The following GCM1 variants were observed in gnomAD, a reference collection of about 807,000 sequenced individuals.
The protein encoded by GCM1 is chorion-specific transcription factor GCMa.
In GCM1, 2 loss-of-function variants were observed where a neutral mutation model predicts 25.7. The ratio of observed to expected loss-of-function variants is 0.08; its 90% CI spans 0.03 to 0.24. The LOEUF (loss-of-function observed/expected upper bound fraction) is 0.24. GCM1 is among the 10% of genes least tolerant of loss of function. The pLI is 1.00. For missense variants in GCM1, 395 were observed against 538.7 expected, an observed-to-expected ratio of 0.73 and a Z score of 2.64; for synonymous variants, 183 against 195.7, an observed-to-expected ratio of 0.94 and a Z score of 0.54.
rs766800938 is a variant in GCM1 at position 53,130,788 on chromosome 6, A to G, written c.570+15T>C. ...AAGCTACTGCATGTATTGAACATAC[A>G]TAATGAAGGATTACCCTGGTCTCTG... On this transcript the variant is annotated intron_variant, in intron 5 of 5. Coordinates refer to ENST00000259803, the MANE Select transcript of GCM1 (RefSeq NM_003643.4). 1.2e-6 allele frequency: 2 copies of G among 1,611,628 alleles called. No individual in the cohort carries two copies. Among genetic ancestry groups the G allele is most frequent in the Admixed American group, 3.3e-5 (2 of 59,734 alleles).
Position 53,132,024 on chromosome 6 carries a change from G to A in GCM1, c.424C>T (p.Arg142Cys), listed in dbSNP as rs753123610. Residue 142 changes from arginine to cysteine, a missense_variant, in exon 4 of 6, where the codon CGC becomes TGC. Transcript: ENST00000259803. ...PVTNFWRHDG[R>C]FIFFQSKGEH... ...AATCCAACCTGGAAAAATATAAAGC[G>A]TCCGTCGTGCCTCCAGAAGTTGGTG... 29 of 1,604,882 alleles carry A rather than the reference G, an allele frequency of 1.8e-5. No homozygotes were observed. The highest frequency in any genetic ancestry group is 5.5e-5 in the South Asian group (5 of 90,862).
At chr6:53,146,427 C>T (rs1161767649) in intron 1 of GCM1, among the ~76,000 whole-genome samples, 1 of 151,766 alleles carries the variant, frequency 6.6e-6, no homozygotes, top group African/African-American at 2.4e-5. Flanking sequence ...ACTCTGCTGG[C>T]CAGCCTGGTC....
At chr6:53,147,465 A>G (rs553496834) in intron 1 of GCM1, among the ~76,000 whole-genome samples, 3 of 113,066 alleles carry the variant, frequency 2.7e-5, no homozygotes, top group African/African-American at 9.3e-5. Flanking sequence ...TCTTACTCTT[A>G]TCACCCAGGC....
Position 53,141,930 on chromosome 6 carries a change from G to A in GCM1, c.75+3628C>T, listed in dbSNP as rs375976777. Among the ~76,000 whole-genome samples the A allele has an allele frequency of 4.8e-4, 63 of 132,114 alleles. 1 individual carries two copies. The highest frequency in any genetic ancestry group is 1.6e-3 in the African/African-American group (57 of 35,414). The allele number at this position is 132,114 out of a possible 152,430, so 86.7% of individuals were successfully genotyped here. A position where few individuals can be genotyped will look rare whatever the true frequency, so the allele number is the denominator to read the frequency against. On this transcript the variant is annotated intron_variant, in intron 2 of 5. Coordinates refer to ENST00000259803, the MANE Select transcript of GCM1 (RefSeq NM_003643.4). ...GGGTTGAGAGAATCACCTAAGCCCG[G>A]GAATTCAAGGCTGTGGTGAGCTATG...
chr6:53,129,272 C>CTT (rs11342377), intron 5 of GCM1, among the ~76,000 whole-genome samples: 2 of 119,440 alleles, frequency 1.7e-5, no homozygotes. Context: ...TTTATTTATT[C>CTT]TTTTTTTTTT....
intron 2 of GCM1, 120 bp from the exon 3 acceptor site, chr6:53,134,444 G>A: frequency 6.9e-6 from 6 of 866,840 alleles, no homozygotes; most frequent in Non-Finnish European, 9.1e-6. Flanking sequence ...AGAGACCTTT[G>A]GCAAAAGCCT....
chr6:53,138,324 G>A (rs1763829089), intron 2 of GCM1, among the ~76,000 whole-genome samples: 1 of 150,252 alleles, frequency 6.7e-6, no homozygotes, highest in South Asian at 2.1e-4. Context: ...GACAACGTAT[G>A]GACTGAGAAC....
intron 2 of GCM1, among the ~76,000 whole-genome samples, chr6:53,142,277 C>T (rs1264743041): frequency 6.6e-6 from 1 of 152,086 alleles, no homozygotes; most frequent in African/African-American, 2.4e-5. Context: ...CTTTAAACCA[C>T]ATTTGTTAAA....
rs1763652108 is a variant in GCM1 at position 53,127,162 on chromosome 6, C to A, written c.*1044G>T. On this transcript the variant is annotated 3_prime_UTR_variant, in exon 6 of 6. Coordinates refer to ENST00000259803, the MANE Select transcript of GCM1 (RefSeq NM_003643.4). ...AAACCCCACATTGATATAGGTGCCA[C>A]AAATAATAAATGGGATAAAACAGAA... 6.6e-6 allele frequency: 1 copy of A among 152,096 alleles called. No individual in the cohort carries two copies. The highest frequency in any genetic ancestry group is 2.4e-5 in the African/African-American group (1 of 41,414). The allele number at this position is 152,096 out of a possible 1,614,324, so 9.4% of individuals were successfully genotyped here.
intron 5 of GCM1, among the ~76,000 whole-genome samples, chr6:53,129,725 A>T (rs1763698599): frequency 6.6e-6 from 1 of 152,146 alleles, no homozygotes; most frequent in South Asian, 2.1e-4. Flanking sequence ...TGCTGGTTGG[A>T]GTGTGAGAGA....
intron 2 of GCM1, among the ~76,000 whole-genome samples, chr6:53,134,808 C>T (rs150645638): frequency 1.3e-5 from 2 of 152,268 alleles, no homozygotes; most frequent in African/African-American, 2.4e-5. Flanking sequence ...TCTCTAAAAA[C>T]TCAAAATAAA....
At chr6:53,135,960 C>T (rs1763792374) in intron 2 of GCM1, among the ~76,000 whole-genome samples, 2 of 152,236 alleles carry the variant, frequency 1.3e-5, no homozygotes, top group Admixed American at 6.5e-5. Context: ...TTCTCTAAAA[C>T]TGAAACATTG....
chr6:53,144,890 A>C (rs1233076703), intron 2 of GCM1, among the ~76,000 whole-genome samples: 2 of 143,754 alleles, frequency 1.4e-5, no homozygotes, highest in East Asian at 4.6e-4. Context: ...ACTCCAACCT[A>C]GTTGACAGAG....
intron 2 of GCM1, 107 bp from the exon 3 acceptor site, chr6:53,134,431 G>A: frequency 1.9e-6 from 2 of 1,073,340 alleles, no homozygotes; most frequent in Admixed American, 2.1e-5. Context: ...CAGGAGCTGG[G>A]CAAGAGACCT....
chr6:53,134,367 AAC>A, intron 2 of GCM1, 43 bp from the exon 3 acceptor site: 1 of 1,591,508 alleles, frequency 6.3e-7, no homozygotes, highest in Non-Finnish European at 8.6e-7. Context: ...TAAGCTAGAA[AAC>A]ACAGCTGTCA....
intron 1 of GCM1, among the ~76,000 whole-genome samples, chr6:53,147,430 T>A (rs1353381554): frequency 7.0e-6 from 1 of 142,618 alleles, no homozygotes; most frequent in African/African-American, 2.5e-5. Flanking sequence ...TTATTGTTTT[T>A]TTTTTTTTTT....
chr6:53,139,880 A>T (rs1268720199), intron 2 of GCM1, among the ~76,000 whole-genome samples: 1 of 152,104 alleles, frequency 6.6e-6, no homozygotes, highest in South Asian at 2.1e-4. Flanking sequence ...ATAAATAAAT[A>T]AAATAAGACT....
chr6:53,129,974 G>A (rs1581848591), intron 5 of GCM1, among the ~76,000 whole-genome samples: 1 of 152,136 alleles, frequency 6.6e-6, no homozygotes, highest in African/African-American at 2.4e-5. Flanking sequence ...TACTTTTAGG[G>A]GGTAGAGAAA....
At position 53,142,000 on chromosome 6, in the gene GCM1, G is replaced by GGAAAAAAAAAAAAAAAAAAAAA. The variant is rs1259951702; in HGVS notation, c.75+3557_75+3558insTTTTTTTTTTTTTTTTTTTTTC. On this transcript the variant is annotated intron_variant, in intron 2 of 5. Coordinates refer to ENST00000259803, the MANE Select transcript of GCM1 (RefSeq NM_003643.4). ...GCTTGGGTAATGAGAGTGAGACCCTGAAAAAAAAAAAAAAAAAAAAAAAAA... is the reference window on the plus strand; with the variant it reads ...GCTTGGGTAATGAGAGTGAGACCCTGGAAAAAAAAAAAAAAAAAAAAAAAAAAAAAAAAAAAAAAAAAAAAAA... 8.1e-4 allele frequency among the ~76,000 whole-genome samples: 10 copies of GGAAAAAAAAAAAAAAAAAAAAA among 12,300 alleles called. 2 individuals are homozygous for GGAAAAAAAAAAAAAAAAAAAAA. Among genetic ancestry groups the GGAAAAAAAAAAAAAAAAAAAAA allele is most frequent in the East Asian group, 1.9e-3 (1 of 524 alleles). The allele number at this position is 12,300 out of a possible 152,430, so 8.1% of individuals were successfully genotyped here. A position where few individuals can be genotyped will look rare whatever the true frequency, so the allele number is the denominator to read the frequency against.
Sources: allele counts gnomAD v4.1 joint callset (sites outside exome capture counted in the v4.1 genomes callset), GRCh38; gene constraint gnomAD v4.1.1; transcripts MANE v1.5; gene names NCBI Gene and HGNC (gene_info 2026-07-23, HGNC 2026-07-21).